OR10G7: variants seen among roughly 807,000 people sequenced by gnomAD.
OR10G7 encodes olfactory receptor 10G7.
For synonymous variants in OR10G7, 165 were observed against 167.4 expected (o/e 0.99, Z 0.11); for missense variants, 338 against 382.1 (o/e 0.88, Z 0.96).
In OR10G7 at chr11:124,038,110, G is replaced by C. The variant is rs749258039; in HGVS notation, c.892C>G (p.Leu298Val). ...TLRNKEVKKA[L>V]LKLKNGSVFA... is the part of the protein sequence containing the mutation. ...ACTGACCCATTTTTCAGCTTCAACA[G>C]AGCTTTCTTTACCTCCTTGTTTCTC... The change falls in exon 2 of 2, where the codon CTG becomes GTG. Residue 298 changes from leucine to valine, a missense_variant. Physicochemically the swap from Leu to Val is conservative, Grantham distance 32 (BLOSUM62 1). Transcript: ENST00000641585. The C allele has an allele frequency of 8.2e-5, 132 of 1,613,598 alleles. No homozygotes were observed. The highest frequency in any genetic ancestry group is 1.0e-4 in the Non-Finnish European group (118 of 1,179,864).
At position 124,037,303 on chromosome 11, in the gene OR10G7, C is replaced by CTGCAGCAGATTAAATGGATAA. The variant is rs1864199929; in HGVS notation, c.*762_*763insTTATCCATTTAATCTGCTGCA. ...ATTTTTGTCTCTAAGATTATTTGAT[C>CTGCAGCAGATTAAATGGATAA]ATTTTTGTATATTTATTATTTATCC... On this transcript the variant is annotated 3_prime_UTR_variant, in exon 2 of 2. Coordinates refer to ENST00000641585, the MANE Select transcript of OR10G7 (RefSeq NM_001004463.2). 6.6e-6 allele frequency: 1 copy of CTGCAGCAGATTAAATGGATAA among 151,988 alleles called. No individual in the cohort carries two copies. The allele number at this position is 151,988 out of a possible 1,614,324, so 9.4% of individuals were successfully genotyped here.
chr11:124,040,047 A>G (rs542085905), intron 1 of OR10G7, among the ~76,000 whole-genome samples: 2 of 152,250 alleles, frequency 1.3e-5, no homozygotes, highest in South Asian at 4.1e-4. Context: ...TGCAATAATG[A>G]ACAGTACCAT....
rs763765989 is a variant in OR10G7 at position 124,038,301 on chromosome 11, T to C, written c.701A>G (p.His234Arg). The part of the protein sequence containing the change: ...ILRIRTSEGR[H>R]RAFQTCASHC... Reference sequence around the variant, plus strand: ...GGAGGCACAGGTCTGAAAGGCTCTGTGCCTCCCCTCTGAGGTGCGGATCCG... The same window carrying C: ...GGAGGCACAGGTCTGAAAGGCTCTGCGCCTCCCCTCTGAGGTGCGGATCCG... The change falls in exon 2 of 2, where the codon CAC becomes CGC. Residue 234 changes from histidine (H) to arginine (R), a missense_variant. Transcript: ENST00000641585. 4.8e-5 allele frequency: 78 copies of C among 1,613,878 alleles called. No individual in the cohort carries two copies. The highest frequency in any genetic ancestry group is 1.3e-4 in the East Asian group (6 of 44,876).
chr11:124,038,720 G>A lies in OR10G7; in HGVS notation c.282C>T (p.His94=), dbSNP rs754644760. ...AAAAATAGAGCTGAGCCACGCAGCTGTGGAAGGAGATAGTCCTGCCGCTTG... is the reference window on the plus strand; with the variant it reads ...AAAAATAGAGCTGAGCCACGCAGCTATGGAAGGAGATAGTCCTGCCGCTTG... The part of the protein sequence containing the change: ...VSPSGRTISF[H]SCVAQLYFFH... Residue 94 remains histidine (H), a synonymous_variant, in exon 2 of 2, where the codon CAC becomes CAT. Coordinates refer to ENST00000641585, the MANE Select transcript of OR10G7 (RefSeq NM_001004463.2). 30 of 1,613,942 alleles carry A rather than the reference G, an allele frequency of 1.9e-5. No homozygotes were observed. Among genetic ancestry groups the A allele is most frequent in the Admixed American group, 3.3e-5 (2 of 60,006 alleles).
At chr11:124,039,115 G>T (rs914742153) in intron 1 of OR10G7, 94 bp from the exon 2 acceptor site, 3 of 1,228,356 alleles carry the variant, frequency 2.4e-6, no homozygotes, top group East Asian at 5.1e-5. Context: ...GAACAATAGG[G>T]TTAAATTATT....
rs562364538 is a variant in OR10G7, at chr11:124,041,051, C to T, written c.-186G>A. Reference sequence around the variant, plus strand: ...GAATTTGATGTCTTAGGAGACACTCCGTTAGCTCTACAGTCCTTATGAGTG... The same window carrying T: ...GAATTTGATGTCTTAGGAGACACTCTGTTAGCTCTACAGTCCTTATGAGTG... On this transcript the variant is annotated 5_prime_UTR_variant, in exon 1 of 2. Coordinates refer to ENST00000641585, the MANE Select transcript of OR10G7 (RefSeq NM_001004463.2). 6 of 152,194 alleles carry T rather than the reference C, an allele frequency of 3.9e-5. No individual in the cohort carries two copies. Among genetic ancestry groups the T allele is most frequent in the South Asian group, 2.1e-4 (1 of 4,824 alleles). 9.4% of individuals were successfully genotyped at this position (152,194 alleles called of 1,614,324 possible).
rs149133950 is a variant in OR10G7, at chr11:124,038,365, T to A, written c.637A>T (p.Ile213Leu). 205 of 1,613,986 alleles carry A rather than the reference T, an allele frequency of 1.3e-4. No individual in the cohort carries two copies. The highest frequency in any genetic ancestry group is 1.7e-4 in the Non-Finnish European group (197 of 1,180,042). The change falls in exon 2 of 2, where the codon ATA (isoleucine) becomes TTA (leucine). Residue 213 changes from isoleucine to leucine, a missense_variant. Coordinates refer to ENST00000641585, the MANE Select transcript of OR10G7 (RefSeq NM_001004463.2). ...ACGATGGACACATAGGACAGCACTA[T>A]CAGGACAAAGCAGCCCGAGGCCACT... is the stretch of plus-strand genomic sequence containing the variant. Reference protein sequence around the residue: ...GLVASGCFVLIVLSYVSIVCS... With the variant: ...GLVASGCFVLLVLSYVSIVCS...
At chr11:124,039,976 TG>T (rs1262681971) in intron 1 of OR10G7, among the ~76,000 whole-genome samples, 1 of 149,788 alleles carries the variant, frequency 6.7e-6, no homozygotes, top group African/African-American at 2.4e-5. Context: ...CCACAAACAC[TG>T]GGGACCCCTG....
chr11:124,038,656 C>T lies in OR10G7; in HGVS notation c.346G>A (p.Val116Ile), dbSNP rs1452844253. Residue 116 changes from valine (V) to isoleucine (I), a missense_variant, in exon 2 of 2, where the codon GTC (valine) becomes ATC (isoleucine). By Grantham distance (29) the Val-to-Ile change is conservative (BLOSUM62 3). Coordinates refer to ENST00000641585, the MANE Select transcript of OR10G7 (RefSeq NM_001004463.2). The part of the protein sequence containing the change: ...LGSTECFLYT[V>I]MSYDRYLAIS... ...GCCAGGTAGCGATCATAGGACATGA[C>T]TGTGTAGAGGAAACACTCGGTGCTC... The T allele has an allele frequency of 1.2e-6, 2 of 1,613,992 alleles. No homozygotes were observed. The highest frequency in any genetic ancestry group is 1.1e-5 in the South Asian group (1 of 91,072).
intron 1 of OR10G7, among the ~76,000 whole-genome samples, chr11:124,040,614 C>T (rs1385004442): frequency 6.6e-6 from 1 of 152,038 alleles, no homozygotes; most frequent in Non-Finnish European, 1.5e-5. Context: ...TGGAATTCAG[C>T]TGCAACTGAG....
At position 124,037,992 on chromosome 11, in the gene OR10G7, A is replaced by G. The variant is rs1864205178; in HGVS notation, c.*74T>C. 1 of 957,102 alleles carries G rather than the reference A, an allele frequency of 1.0e-6. No individual in the cohort carries two copies. The highest frequency in any genetic ancestry group is 1.7e-5 in the African/African-American group (1 of 60,338). The allele number at this position is 957,102 out of a possible 1,614,324, so 59.3% of individuals were successfully genotyped here. ...AATAATTGAAATGCTCCATTCAAGT[A>G]TAATGCTTATGTTGAAGGTTTAATT... On this transcript the variant is annotated 3_prime_UTR_variant, in exon 2 of 2. Coordinates refer to ENST00000641585, the MANE Select transcript of OR10G7 (RefSeq NM_001004463.2).
intron 1 of OR10G7, among the ~76,000 whole-genome samples, 176 bp downstream of exon 1, chr11:124,040,710 G>C (rs1361941441): frequency 6.6e-6 from 1 of 152,028 alleles, no homozygotes; most frequent in African/African-American, 2.4e-5. Context: ...GTCTTCTACA[G>C]AACCACAAAA....
rs2137568546 is a variant in OR10G7, at chr11:124,036,204, A to G, written c.*1862T>C. The G allele has an allele frequency of 6.6e-6, 1 of 152,304 alleles. No homozygotes were observed. Among genetic ancestry groups the G allele is most frequent in the Middle Eastern group, 3.4e-3 (1 of 294 alleles). The allele number at this position is 152,304 out of a possible 1,614,324, so 9.4% of individuals were successfully genotyped here. A position where few individuals can be genotyped will look rare whatever the true frequency, so the allele number is the denominator to read the frequency against. On this transcript the variant is annotated 3_prime_UTR_variant, in exon 2 of 2. Coordinates refer to ENST00000641585, the MANE Select transcript of OR10G7 (RefSeq NM_001004463.2). ...GTATAACAAGAACTATCACTGTGTT[A>G]TTTCTTACAACTTCATGCGATTCTA...
At position 124,038,817 on chromosome 11, in the gene OR10G7, G is replaced by A. The variant is rs201246927; in HGVS notation, c.185C>T (p.Thr62Ile). 3 of 1,613,864 alleles carry A rather than the reference G, an allele frequency of 1.9e-6. No individual in the cohort carries two copies. The highest frequency in any genetic ancestry group is 2.7e-5 in the African/African-American group (2 of 74,852). ...HLHTPMYYFLTNLSFIDMWFS... is the reference protein window; with the variant it reads ...HLHTPMYYFLINLSFIDMWFS... Reference sequence around the variant, plus strand: ...CCACATGTCAATGAAGGACAGGTTGGTGAGGAAGTAGTACATGGGGGTGTG... The same window carrying A: ...CCACATGTCAATGAAGGACAGGTTGATGAGGAAGTAGTACATGGGGGTGTG... The change falls in exon 2 of 2, where the codon ACC becomes ATC. Residue 62 changes from threonine (T) to isoleucine (I), a missense_variant. By Grantham distance (89) the Thr-to-Ile change is moderately conservative. Coordinates refer to ENST00000641585, the MANE Select transcript of OR10G7 (RefSeq NM_001004463.2).
chr11:124,037,895 C>T lies in OR10G7; in HGVS notation c.*171G>A. 2 of 488,194 alleles carry T rather than the reference C, an allele frequency of 4.1e-6. No individual in the cohort carries two copies. The highest frequency in any genetic ancestry group is 7.1e-6 in the Non-Finnish European group (2 of 283,666). 30.2% of individuals were successfully genotyped at this position (488,194 alleles called of 1,614,324 possible). The stretch of plus-strand genomic sequence containing the variant: ...TATCACCGTGAAATGGCTGCTTTAA[C>T]TAGGATTCTAACAAACACTCTGCAG... On this transcript the variant is annotated 3_prime_UTR_variant, in exon 2 of 2. Coordinates refer to ENST00000641585, the MANE Select transcript of OR10G7 (RefSeq NM_001004463.2).
chr11:124,037,913 CT>C lies in OR10G7; in HGVS notation c.*152del. On this transcript the variant is annotated 3_prime_UTR_variant, in exon 2 of 2. Transcript: ENST00000641585. Reference sequence around the variant, plus strand: ...GCTTTAACTAGGATTCTAACAAACACTCTGCAGAAAAAAATGAAAAATTAAT... The same window carrying C: ...GCTTTAACTAGGATTCTAACAAACACCTGCAGAAAAAAATGAAAAATTAAT... 1.8e-6 allele frequency: 1 copy of C among 543,274 alleles called. No homozygotes were observed. The highest frequency in any genetic ancestry group is 3.6e-5 in the Admixed American group (1 of 28,010). 33.7% of individuals were successfully genotyped at this position (543,274 alleles called of 1,614,324 possible).
In OR10G7 at chr11:124,037,445, C is replaced by A. The variant is rs1413720738; in HGVS notation, c.*621G>T. On this transcript the variant is annotated 3_prime_UTR_variant, in exon 2 of 2. Coordinates refer to ENST00000641585, the MANE Select transcript of OR10G7 (RefSeq NM_001004463.2). ...AAGTCTAGATAGTTGTCATCAGAGA[C>A]CAATACAATGTGTACAGTGTATACA... is the stretch of plus-strand genomic sequence containing the variant. 1 of 151,910 alleles carries A rather than the reference C, an allele frequency of 6.6e-6. No individual in the cohort carries two copies. The highest frequency in any genetic ancestry group is 1.5e-5 in the Non-Finnish European group (1 of 68,000). The allele number at this position is 151,910 out of a possible 1,614,324, so 9.4% of individuals were successfully genotyped here.
In OR10G7 at chr11:124,037,994, A is replaced by T. The variant is rs1046830158; in HGVS notation, c.*72T>A. ...TAATTGAAATGCTCCATTCAAGTAT[A>T]ATGCTTATGTTGAAGGTTTAATTTA... On this transcript the variant is annotated 3_prime_UTR_variant, in exon 2 of 2. Transcript: ENST00000641585. 2.1e-6 allele frequency: 2 copies of T among 967,414 alleles called. No individual in the cohort carries two copies. Among genetic ancestry groups the T allele is most frequent in the Admixed American group, 2.7e-5 (1 of 37,224 alleles). 59.9% of individuals were successfully genotyped at this position (967,414 alleles called of 1,614,324 possible). A position where few individuals can be genotyped will look rare whatever the true frequency, so the allele number is the denominator to read the frequency against.
In OR10G7 at chr11:124,038,319, C is replaced by T. The variant is rs779903828; in HGVS notation, c.683G>A (p.Arg228His). 28 of 1,614,004 alleles carry T rather than the reference C, an allele frequency of 1.7e-5. No homozygotes were observed. The highest frequency in any genetic ancestry group is 8.8e-5 in the South Asian group (8 of 91,082). The part of the protein sequence containing the change: ...VSIVCSILRI[R>H]TSEGRHRAFQ... The stretch of plus-strand genomic sequence containing the variant: ...GGCTCTGTGCCTCCCCTCTGAGGTG[C>T]GGATCCGCAGGATGGAACAGACGAT... The change falls in exon 2 of 2, where the codon CGC becomes CAC. Residue 228 changes from arginine (R) to histidine (H), a missense_variant. Transcript: ENST00000641585.
Sources: allele counts gnomAD v4.1 joint callset (sites outside exome capture counted in the v4.1 genomes callset), GRCh38; gene constraint gnomAD v4.1.1; transcripts MANE v1.5; gene names NCBI Gene and HGNC (gene_info 2026-07-23, HGNC 2026-07-21).